The following TTL variants were observed in gnomAD, a reference collection of about 807,000 sequenced individuals.
TTL encodes the protein tubulin tyrosine ligase.
In TTL, 10 loss-of-function variants were observed where a neutral mutation model predicts 41.1. The observed-to-expected ratio is 0.24, with a 90% CI of 0.15 to 0.41. The LOEUF (loss-of-function observed/expected upper bound fraction) is 0.41. Among genes scored for constraint, TTL ranks in the 10% least tolerant of loss-of-function variants. TTL has a pLI of 1.00. For synonymous variants in TTL, 175 were observed against 175.5 expected, an observed-to-expected ratio of 1.00 and a Z score of 0.02; for missense variants, 367 against 460.4, an observed-to-expected ratio of 0.80 and a Z score of 1.86.
chr2:112,487,511 T>TA (rs1205137509), intron 2 of TTL, among the ~76,000 whole-genome samples: 4 of 152,188 alleles, frequency 2.6e-5, no homozygotes, highest in Admixed American at 6.5e-5. Flanking sequence ...GAGGACTCAG[T>TA]AAAAAAATAA....
Position 112,539,462 on chromosome 2 carries a change from T to C in TTL, c.*10667T>C. ...TATACACTGAAAAAGCATTTGGCAA[T>C]ACACAACACTCTTTCTTGGAAAAAA... On this transcript the variant is annotated 3_prime_UTR_variant, in exon 7 of 7. Transcript: ENST00000233336. 1 of 152,114 alleles carries C rather than the reference T, an allele frequency of 6.6e-6. No homozygotes were observed. Among genetic ancestry groups the C allele is most frequent in the Non-Finnish European group, 1.5e-5 (1 of 68,000 alleles). 9.4% of individuals were successfully genotyped at this position (152,114 alleles called of 1,614,324 possible).
At chr2:112,514,043 C>T (rs1022950196) in intron 5 of TTL, among the ~76,000 whole-genome samples, 22 of 152,020 alleles carry the variant, frequency 1.4e-4, no homozygotes, top group Non-Finnish European at 2.4e-4. Context: ...TCTTCCTTTC[C>T]TGCATTTCCT....
intron 3 of TTL, among the ~76,000 whole-genome samples, chr2:112,495,292 T>A (rs1681496342): frequency 6.6e-6 from 1 of 152,182 alleles, no homozygotes. Flanking sequence ...CTCATTTACC[T>A]CCTGACATTA....
chr2:112,503,935 G>A (rs1014710706), intron 5 of TTL, among the ~76,000 whole-genome samples: 3 of 86,350 alleles, frequency 3.5e-5, no homozygotes, highest in Non-Finnish European at 6.8e-5. Flanking sequence ...CTAGCATTAG[G>A]TATATCTCCC....
At position 112,532,737 on chromosome 2, in the gene TTL, T is replaced by G. The variant is rs34521619; in HGVS notation, c.*3942T>G. ...GCTTTGCAAACCATGTAGGGCCTTT[T>G]TTGCATACTTTTTGTTTTTTTCTCC... On this transcript the variant is annotated 3_prime_UTR_variant, in exon 7 of 7. Coordinates refer to ENST00000233336, the MANE Select transcript of TTL (RefSeq NM_153712.5). 0.97 allele frequency: 169,279 copies of G among 173,784 alleles called. 82,557 individuals are homozygous for G. The highest frequency in any genetic ancestry group is 1 in the East Asian group (9,660 of 9,662). 10.8% of individuals were successfully genotyped at this position (173,784 alleles called of 1,614,324 possible).
chr2:112,521,812 T>A (rs1019697220), intron 6 of TTL, among the ~76,000 whole-genome samples: 1 of 152,156 alleles, frequency 6.6e-6, no homozygotes, highest in Non-Finnish European at 1.5e-5. Context: ...AGTGCTTCAA[T>A]GGAGAACAAA....
chr2:112,511,140 G>A (rs1329241078), intron 5 of TTL, among the ~76,000 whole-genome samples: 2 of 151,938 alleles, frequency 1.3e-5, no homozygotes, highest in Non-Finnish European at 2.9e-5. Flanking sequence ...CTAGGTAGCT[G>A]GGACTACAGG....
rs146102039 is a variant in TTL at position 112,489,283 on chromosome 2, C to G, written c.236+3288C>G. Among the ~76,000 whole-genome samples, 651 of 152,130 alleles carry G rather than the reference C, an allele frequency of 4.3e-3. 8 individuals are homozygous for G. The highest frequency in any genetic ancestry group is 0.01 in the Middle Eastern group (3 of 294). On this transcript the variant is annotated intron_variant, in intron 2 of 6. Coordinates refer to ENST00000233336, the MANE Select transcript of TTL (RefSeq NM_153712.5). ...CAAACAGTAAATTTTCATTGGAAAG[C>G]TTTGATCTGAATTTAGATTACATAA... is the stretch of plus-strand genomic sequence containing the variant.
intron 3 of TTL, among the ~76,000 whole-genome samples, chr2:112,497,476 A>G (rs1681565104): frequency 6.6e-6 from 1 of 152,228 alleles, no homozygotes; most frequent in Non-Finnish European, 1.5e-5. Context: ...ACGAACTTTT[A>G]CTAAAAGTAT....
chr2:112,525,835 T>C (rs988155310), intron 6 of TTL, among the ~76,000 whole-genome samples: 11 of 151,934 alleles, frequency 7.2e-5, no homozygotes, highest in Admixed American at 3.3e-4. Context: ...TGAATAGGAG[T>C]GGTGAGAGAG....
At chr2:112,492,903 T>A (rs1681428206) in intron 2 of TTL, among the ~76,000 whole-genome samples, 1 of 151,868 alleles carries the variant, frequency 6.6e-6, no homozygotes, top group Admixed American at 6.6e-5. Context: ...ATAAAAAAAA[T>A]AAAAATAAAA....
At chr2:112,516,110 C>T (rs377498250) in intron 5 of TTL, among the ~76,000 whole-genome samples, 3 of 152,136 alleles carry the variant, frequency 2.0e-5, no homozygotes, top group East Asian at 3.9e-4. Context: ...TTATGTTCAG[C>T]TTTTCCCAGT....
At chr2:112,512,903 A>T in intron 5 of TTL, among the ~76,000 whole-genome samples, 1 of 144,930 alleles carries the variant, frequency 6.9e-6, no homozygotes, top group African/African-American at 2.5e-5. Flanking sequence ...ATATTTTTAG[A>T]GTTTTATTTT....
At chr2:112,501,852 T>G in intron 4 of TTL, among the ~76,000 whole-genome samples, 1 of 135,448 alleles carries the variant, frequency 7.4e-6, no homozygotes. Flanking sequence ...GGTAACAGAG[T>G]GAGACTCCTG....
At chr2:112,485,658 G>A (rs896402147) in intron 1 of TTL, among the ~76,000 whole-genome samples, 1 of 152,174 alleles carries the variant, frequency 6.6e-6, no homozygotes. Flanking sequence ...ACCCTAACAA[G>A]AAAAAACAGA....
rs1682675540 is a variant in TTL at position 112,539,752 on chromosome 2, G to A, written c.*10957G>A. ...AGAAGTATGATGATCTCTCTTTGCA[G>A]ACGACAAGATACCATATAGAAAAAG... On this transcript the variant is annotated 3_prime_UTR_variant, in exon 7 of 7. Transcript: ENST00000233336. The A allele has an allele frequency of 6.6e-6, 1 of 152,188 alleles. No individual in the cohort carries two copies. Among genetic ancestry groups the A allele is most frequent in the South Asian group, 2.1e-4 (1 of 4,834 alleles). 9.4% of individuals were successfully genotyped at this position (152,188 alleles called of 1,614,324 possible).
intron 1 of TTL, among the ~76,000 whole-genome samples, chr2:112,484,160 A>T (rs1473274720): frequency 2.0e-5 from 3 of 151,858 alleles, no homozygotes; most frequent in Non-Finnish European, 2.9e-5. Flanking sequence ...AGAAGCCTCC[A>T]GAATTTGAAT....
At chr2:112,487,806 G>T (rs529657637) in intron 2 of TTL, among the ~76,000 whole-genome samples, 1 of 152,336 alleles carries the variant, frequency 6.6e-6, no homozygotes, top group Admixed American at 6.5e-5. Context: ...GTTGTCCTGT[G>T]AGGGGCTTGC....
Position 112,502,239 on chromosome 2 carries a change from T to C in TTL, c.606-673T>C, listed in dbSNP as rs186649783. 8.5e-5 allele frequency among the ~76,000 whole-genome samples: 13 copies of C among 152,324 alleles called. No individual in the cohort carries two copies. The East Asian group carries it at 2.3e-3, about 27-fold the overall frequency. On this transcript the variant is annotated intron_variant, in intron 4 of 6. Transcript: ENST00000233336. The stretch of plus-strand genomic sequence containing the variant: ...TTGCTTCATAACGATTTGTCGCTTC[T>C]TGAACATCAACATAGGTCAGATCAT...
Sources: allele counts gnomAD v4.1 joint callset (sites outside exome capture counted in the v4.1 genomes callset), GRCh38; gene constraint gnomAD v4.1.1; transcripts MANE v1.5; gene names NCBI Gene and HGNC (gene_info 2026-07-23, HGNC 2026-07-21).